The following GUCY2F variants were observed in gnomAD, a reference collection of about 807,000 sequenced individuals.
The protein encoded by GUCY2F is guanylate cyclase 2F, retinal, also known as retinal guanylyl cyclase 2.
In GUCY2F, 61 loss-of-function variants were observed where a neutral mutation model predicts 73.1. The observed-to-expected ratio is 0.83, with a 90% confidence interval of 0.68 to 1.03. The LOEUF is 1.03. Ranked by LOEUF, GUCY2F falls within the 50% of genes least tolerant of loss-of-function variation. The pLI, the probability that GUCY2F is intolerant of heterozygous loss-of-function variation, is 0.00. For synonymous variants in GUCY2F, 331 were observed against 307.8 expected, an observed-to-expected ratio of 1.08 and a Z score of -0.79; for missense variants, 912 against 854.3, an observed-to-expected ratio of 1.07 and a Z score of -0.84.
chrX:109,404,576 A>T, intron 9 of GUCY2F, 92 bp from the exon 10 acceptor site: 1 of 621,143 alleles, frequency 1.6e-6, no homozygotes, highest in East Asian at 3.4e-5. Flanking sequence ...GGCATGAGCT[A>T]TTATGATCCA....
intron 8 of GUCY2F, among the ~76,000 whole-genome samples, chrX:109,429,941 A>G (rs1319554070): frequency 8.9e-6 from 1 of 112,778 alleles, no homozygotes; most frequent in Admixed American, 9.3e-5. Flanking sequence ...TAAAGAAGCT[A>G]TGTGCCAGGA....
intron 7 of GUCY2F, among the ~76,000 whole-genome samples, chrX:109,438,042 T>C (rs1001478477): frequency 1.2e-4 from 13 of 112,629 alleles, no homozygotes; most frequent in Non-Finnish European, 2.2e-4. Flanking sequence ...TGAACAAACA[T>C]ACACCATGCC....
At chrX:109,453,981 C>A in intron 3 of GUCY2F, 122 bp from the exon 4 acceptor site, 1 of 379,022 alleles carries the variant, frequency 2.6e-6, no homozygotes, top group Non-Finnish European at 4.4e-6. Flanking sequence ...CTATGAAGAC[C>A]CAGAGGAAAA....
At chrX:109,436,304 T>C (rs1221000196) in intron 7 of GUCY2F, among the ~76,000 whole-genome samples, 6 of 110,917 alleles carry the variant, frequency 5.4e-5, no homozygotes, top group Non-Finnish European at 1.1e-4. Flanking sequence ...GGAGAGGATG[T>C]GGAGAAATAG....
intron 16 of GUCY2F, 78 bp downstream of exon 16, chrX:109,385,106 T>C: frequency 2.0e-6 from 1 of 502,728 alleles, no homozygotes; most frequent in Non-Finnish European, 3.5e-6. Context: ...TCCTGCTCTC[T>C]TTCACCTCTC....
At chrX:109,466,063 A>G (rs1017787139) in intron 2 of GUCY2F, among the ~76,000 whole-genome samples, 9 of 111,973 alleles carry the variant, frequency 8.0e-5, no homozygotes, top group Non-Finnish European at 1.9e-5. Context: ...TACCAAGGTC[A>G]TTATAGACAA....
At chrX:109,404,530 T>G (rs769154755) in intron 9 of GUCY2F, 46 bp from the exon 10 acceptor site, 3 of 970,707 alleles carry the variant, frequency 3.1e-6, no homozygotes, top group Non-Finnish European at 4.3e-6. Context: ...ATTTAACTAT[T>G]TTGTGCTTTT....
At chrX:109,466,147 A>T (rs1427226581) in intron 2 of GUCY2F, among the ~76,000 whole-genome samples, 3 of 111,768 alleles carry the variant, frequency 2.7e-5, no homozygotes, top group Non-Finnish European at 5.6e-5. Context: ...ATTGAAGACC[A>T]GAGGTGCTTC....
intron 6 of GUCY2F, among the ~76,000 whole-genome samples, chrX:109,444,677 G>A (rs1931957719): frequency 9.0e-6 from 1 of 111,496 alleles, no homozygotes; most frequent in South Asian, 3.8e-4. Flanking sequence ...GTAATATAAA[G>A]ACGTGAAATA....
intron 14 of GUCY2F, among the ~76,000 whole-genome samples, chrX:109,391,190 A>C (rs1191521284): frequency 8.9e-6 from 1 of 111,829 alleles, no homozygotes; most frequent in Non-Finnish European, 1.9e-5. Context: ...ACATATGTAA[A>C]AAAAGGTAAG....
intron 7 of GUCY2F, among the ~76,000 whole-genome samples, chrX:109,435,761 G>A (rs941489708): frequency 4.5e-5 from 5 of 111,387 alleles, no homozygotes; most frequent in Non-Finnish European, 9.4e-5. Context: ...ATTGGCTGTG[G>A]GTTTGTCATA....
At chrX:109,464,152 C>T (rs1036510536) in intron 3 of GUCY2F, among the ~76,000 whole-genome samples, 6 of 111,567 alleles carry the variant, frequency 5.4e-5, no homozygotes, top group Non-Finnish European at 9.4e-5. Flanking sequence ...ACAGAAACGT[C>T]CCTCTGTATT....
At chrX:109,451,520 C>T (rs7049406) in intron 5 of GUCY2F, among the ~76,000 whole-genome samples, 8,615 of 111,362 alleles carry the variant, frequency 0.077, 758 homozygotes, top group African/African-American at 0.25. Context: ...AGTCACATAT[C>T]GTTCTAGGTG....
intron 17 of GUCY2F, among the ~76,000 whole-genome samples, chrX:109,377,402 TC>T (rs1435282570): frequency 9.0e-6 from 1 of 111,664 alleles, no homozygotes; most frequent in Non-Finnish European, 1.9e-5. Context: ...ATTCCACTCC[TC>T]CTGTACTAGG....
At chrX:109,426,327 G>A (rs1385999572) in intron 8 of GUCY2F, among the ~76,000 whole-genome samples, 1 of 112,301 alleles carries the variant, frequency 8.9e-6, no homozygotes, top group Non-Finnish European at 1.9e-5. Context: ...AGGCACAGTT[G>A]GGATAAAAGG....
Position 109,434,647 on chromosome X carries a change from A to T in GUCY2F, c.1702-4251T>A, listed in dbSNP as rs768333725. ...TTAGTTTAATTAGATCCCATTTGTC[A>T]ATTTTGGCTTTTGTTGCCATTGCTT... On this transcript the variant is annotated intron_variant, in intron 7 of 19. Transcript: ENST00000218006. Among the ~76,000 whole-genome samples, 10 of 109,468 alleles carry T rather than the reference A, an allele frequency of 9.1e-5. No individual in the cohort carries two copies. In the South Asian group the frequency reaches 1.6e-3, roughly 18 times the overall value.
At chrX:109,481,026 GGAAT>G (rs1392803031) in intron 1 of GUCY2F, among the ~76,000 whole-genome samples, 1 of 90,495 alleles carries the variant, frequency 1.1e-5, no homozygotes, top group African/African-American at 4.2e-5. Context: ...AGGGGAGGGA[GGAAT>G]GAAGGGAGAG....
At chrX:109,469,904 T>A (rs1211124549) in intron 2 of GUCY2F, among the ~76,000 whole-genome samples, 1 of 111,598 alleles carries the variant, frequency 9.0e-6, no homozygotes, top group African/African-American at 3.3e-5. Flanking sequence ...CTATACTAGG[T>A]GATGTGTGGC....
intron 8 of GUCY2F, among the ~76,000 whole-genome samples, chrX:109,425,045 G>A (rs1044603074): frequency 1.8e-5 from 2 of 111,522 alleles, no homozygotes. Context: ...GGGATTACAG[G>A]CATGAGCCAC....
Sources: allele counts gnomAD v4.1 joint callset (sites outside exome capture counted in the v4.1 genomes callset), GRCh38; gene constraint gnomAD v4.1.1; transcripts MANE v1.5; gene names NCBI Gene and HGNC (gene_info 2026-07-23, HGNC 2026-07-21).